Variants in YLPM1 observed in about 807,000 individuals in gnomAD.
The protein encoded by YLPM1 is YLP motif-containing protein 1.
YLPM1 carries 99 observed loss-of-function variants against 230.0 expected under a neutral mutation model. The observed-to-expected ratio is 0.43, with a 90% confidence interval of 0.37 to 0.51. The LOEUF is 0.51. Ranked by LOEUF, YLPM1 falls within the 20% of genes least tolerant of loss-of-function variation. YLPM1 has a pLI of 0.00. For synonymous variants in YLPM1, 984 were observed against 942.5 expected (o/e 1.04, Z -0.81); for missense variants, 2,592 against 2,707.7 (o/e 0.96, Z 0.95).
rs771765182 is a variant in YLPM1, at chr14:74,837,202, G to T, written c.*1464G>T. On this transcript the variant is annotated 3_prime_UTR_variant, in exon 21 of 21. Transcript: ENST00000325680. ...TTAATGGAAATTCTAACAACTTTCTGTACTTTTATCTTCCCTGAAAATCTG... is the reference window on the plus strand; with the variant it reads ...TTAATGGAAATTCTAACAACTTTCTTTACTTTTATCTTCCCTGAAAATCTG... 6.6e-6 allele frequency: 1 copy of T among 152,044 alleles called. No individual in the cohort carries two copies. The highest frequency in any genetic ancestry group is 1.5e-5 in the Non-Finnish European group (1 of 67,984). 9.4% of individuals were successfully genotyped at this position (152,044 alleles called of 1,614,324 possible). A position where few individuals can be genotyped will look rare whatever the true frequency, so the allele number is the denominator to read the frequency against.
Position 74,810,359 on chromosome 14 carries a change from C to T in YLPM1, c.5167C>T (p.Arg1723Cys), listed in dbSNP as rs535123369. The stretch of plus-strand genomic sequence containing the variant: ...GACACATAGAGATCGAGACCGGGAT[C>T]GTGGTGTTATTGACTATGACCGGGA... ...RETHRDRDRDRGVIDYDRDRF... is the reference protein window; with the variant it reads ...RETHRDRDRDCGVIDYDRDRF... The change falls in exon 9 of 21, where the codon CGT becomes TGT. Residue 1723 changes from arginine to cysteine, a missense_variant. Transcript: ENST00000325680. 6.2e-6 allele frequency: 10 copies of T among 1,613,544 alleles called. No individual in the cohort carries two copies. The highest frequency in any genetic ancestry group is 4.4e-5 in the South Asian group (4 of 91,036).
intron 4 of YLPM1, among the ~76,000 whole-genome samples, chr14:74,787,785 C>T (rs1052353896): frequency 5.9e-5 from 9 of 151,962 alleles, no homozygotes; most frequent in African/African-American, 1.7e-4. Flanking sequence ...GAGGCCTAGG[C>T]GAGCGGATCA....
At chr14:74,766,580 A>G (rs1454807335) in intron 1 of YLPM1, among the ~76,000 whole-genome samples, 2 of 150,614 alleles carry the variant, frequency 1.3e-5, no homozygotes, top group African/African-American at 4.9e-5. Flanking sequence ...TCTGCCTCCC[A>G]GGCTCAAGCC....
Position 74,837,310 on chromosome 14 carries a change from A to G in YLPM1, c.*1572A>G, listed in dbSNP as rs1214186288. 1.3e-5 allele frequency: 2 copies of G among 152,208 alleles called. No homozygotes were observed. The highest frequency in any genetic ancestry group is 2.9e-5 in the Non-Finnish European group (2 of 68,026). The allele number at this position is 152,208 out of a possible 1,614,324, so 9.4% of individuals were successfully genotyped here. A position where few individuals can be genotyped will look rare whatever the true frequency, so the allele number is the denominator to read the frequency against. On this transcript the variant is annotated 3_prime_UTR_variant, in exon 21 of 21. Coordinates refer to ENST00000325680, the MANE Select transcript of YLPM1 (RefSeq NM_019589.3). ...ACATTAAATAACTTCTGCTGTTTGT[A>G]GTATTTAATAAGCTATTTTCATTGC...
rs202116695 is a variant in YLPM1 at position 74,798,693 on chromosome 14, G to T, written c.3396G>T (p.Glu1132Asp). The T allele has an allele frequency of 2.2e-5, 35 of 1,611,998 alleles. No individual in the cohort carries two copies. In the African/African-American group the frequency reaches 4.1e-4, roughly 19 times the overall value. Residue 1132 changes from glutamate to aspartate, a missense_variant, in exon 5 of 21, where the codon GAG becomes GAT. Transcript: ENST00000325680. ...CTCTTCGAAGGGCTGGGAGTAGAGA[G>T]AGAATACCACCCCGAAGAGCTGGGA... ...RGPLRRAGSR[E>D]RIPPRRAGSR...
chr14:74,807,192 A>G (rs1323753357), intron 6 of YLPM1, among the ~76,000 whole-genome samples: 4 of 152,224 alleles, frequency 2.6e-5, no homozygotes, highest in African/African-American at 9.6e-5. Context: ...AGTACTGTGT[A>G]TATATGGGCA....
intron 2 of YLPM1, among the ~76,000 whole-genome samples, chr14:74,779,804 C>A (rs1024135373): frequency 2.7e-5 from 4 of 150,198 alleles, no homozygotes; most frequent in African/African-American, 9.8e-5. Context: ...CCTCCCCTCC[C>A]CTCCTTTTTT....
chr14:74,816,726 T>C, intron 13 of YLPM1, 36 bp downstream of exon 13: 1 of 1,571,240 alleles, frequency 6.4e-7, no homozygotes, highest in Non-Finnish European at 8.6e-7. Context: ...TCTGATTCAT[T>C]AATAGTATTT....
chr14:74,815,422 C>T (rs935427418), intron 11 of YLPM1, among the ~76,000 whole-genome samples: 12 of 151,940 alleles, frequency 7.9e-5, no homozygotes, highest in African/African-American at 2.9e-4. Context: ...ATTAGGCGGG[C>T]GTGGTGGCAG....
At chr14:74,824,707 A>G (rs1359913753) in intron 18 of YLPM1, among the ~76,000 whole-genome samples, 1 of 152,034 alleles carries the variant, frequency 6.6e-6, no homozygotes, top group Non-Finnish European at 1.5e-5. Flanking sequence ...AAAGTTTAAA[A>G]TTAATTAAAA....
Position 74,782,343 on chromosome 14 carries a change from TC to T in YLPM1, c.2282+19del. On this transcript the variant is annotated intron_variant, in intron 4 of 20. Coordinates refer to ENST00000325680, the MANE Select transcript of YLPM1 (RefSeq NM_019589.3). The stretch of plus-strand genomic sequence containing the variant: ...GGCCCAAGGTAGGTCTGCTTTTTTT[TC>T]TCTTTTTTTTTGGTTTGGCTATTTT... 1 of 1,490,582 alleles carries T rather than the reference TC, an allele frequency of 6.7e-7. No homozygotes were observed. Among genetic ancestry groups the T allele is most frequent in the Middle Eastern group, 1.8e-4 (1 of 5,570 alleles). 92.3% of individuals were successfully genotyped at this position (1,490,582 alleles called of 1,614,324 possible). A position where few individuals can be genotyped will look rare whatever the true frequency, so the allele number is the denominator to read the frequency against.
At chr14:74,818,439 T>A (rs956936305) in intron 16 of YLPM1, 125 bp downstream of exon 16, 1 of 622,840 alleles carries the variant, frequency 1.6e-6, no homozygotes, top group East Asian at 3.2e-5. Flanking sequence ...CCTACTGATA[T>A]GCCTTTCATT....
intron 1 of YLPM1, among the ~76,000 whole-genome samples, chr14:74,777,695 C>G (rs1044905253): frequency 1.3e-5 from 2 of 151,954 alleles, no homozygotes; most frequent in African/African-American, 4.8e-5. Flanking sequence ...TGGGAGGAGG[C>G]TGGGTGCAGT....
intron 4 of YLPM1, among the ~76,000 whole-genome samples, chr14:74,789,048 G>C (rs1053051109): frequency 3.3e-5 from 5 of 152,136 alleles, no homozygotes; most frequent in African/African-American, 9.7e-5. Flanking sequence ...CTACTTTGCA[G>C]TGACTTCATC....
intron 1 of YLPM1, among the ~76,000 whole-genome samples, chr14:74,769,142 C>A (rs1258492682): frequency 6.6e-6 from 1 of 151,074 alleles, no homozygotes; most frequent in African/African-American, 2.4e-5. Flanking sequence ...GTGGCGCGAT[C>A]TCGGCTCACT....
Position 74,781,545 on chromosome 14 carries a change from A to G in YLPM1, c.1502A>G (p.Asn501Ser), listed in dbSNP as rs775809544. The change falls in exon 4 of 21, where the codon AAT becomes AGT. Residue 501 changes from asparagine (N) to serine (S), a missense_variant. This residue lies in a region of YLPM1 where 1,862 missense variants were observed against 1,819.8 expected (regional missense o/e 1.02). Coordinates refer to ENST00000325680, the MANE Select transcript of YLPM1 (RefSeq NM_019589.3). ...ATQSYLQEKV[N>S]SFQNMKNQYM... ...CAGAGCTATCTCCAGGAGAAAGTCA[A>G]TTCATTTCAGAACATGAAGAACCAG... The G allele has an allele frequency of 6.2e-7, 1 of 1,614,010 alleles. No individual in the cohort carries two copies. The highest frequency in any genetic ancestry group is 8.5e-7 in the Non-Finnish European group (1 of 1,179,900).
intron 4 of YLPM1, among the ~76,000 whole-genome samples, chr14:74,785,109 C>T (rs1594816886): frequency 6.6e-6 from 1 of 152,204 alleles, no homozygotes. Context: ...TTCACATTAG[C>T]TTTTATTAAG....
intron 4 of YLPM1, among the ~76,000 whole-genome samples, chr14:74,788,835 CA>C (rs988775323): frequency 6.7e-6 from 1 of 149,102 alleles, no homozygotes; most frequent in African/African-American, 2.5e-5. Flanking sequence ...GATCCTGACT[CA>C]AAAAAAAAGA....
chr14:74,817,368 A>G lies in YLPM1; in HGVS notation c.5946+91A>G. On this transcript the variant is annotated intron_variant, in intron 15 of 20. Coordinates refer to ENST00000325680, the MANE Select transcript of YLPM1 (RefSeq NM_019589.3). ...GAAGGACTGCATATATGGTGGTCCC[A>G]TAAGATTATAATGTATTTTTATTGT... The G allele has an allele frequency of 3.6e-6, 4 of 1,108,360 alleles. No individual in the cohort carries two copies. The South Asian group carries it at 4.8e-5, about 13-fold the overall frequency. The allele number at this position is 1,108,360 out of a possible 1,614,324, so 68.7% of individuals were successfully genotyped here.
Sources: allele counts gnomAD v4.1 joint callset (sites outside exome capture counted in the v4.1 genomes callset), GRCh38; gene constraint gnomAD v4.1.1; regional missense constraint gnomAD v4.1.1; transcripts MANE v1.5; gene names NCBI Gene and HGNC (gene_info 2026-07-23, HGNC 2026-07-21).